The following COL19A1 variants were observed in gnomAD, a reference collection of about 807,000 sequenced individuals.
The protein encoded by COL19A1 is collagen type XIX alpha 1 chain.
In COL19A1, 159 loss-of-function variants were observed where a neutral mutation model predicts 190.2. That is an observed-to-expected ratio of 0.84 (90% CI 0.73 to 0.95). COL19A1 has a LOEUF of 0.95. Among genes scored for constraint, COL19A1 ranks in the 40% least tolerant of loss-of-function variants. COL19A1 has a pLI of 0.00. For missense variants in COL19A1, 1,418 were observed against 1,431.9 expected (o/e 0.99, Z 0.16); for synonymous variants, 509 against 458.9 (o/e 1.11, Z -1.39).
chr6:70,062,533 A>G (rs1582813744), intron 14 of COL19A1, among the ~76,000 whole-genome samples: 2 of 152,320 alleles, frequency 1.3e-5, no homozygotes, highest in South Asian at 4.1e-4. Context: ...AACATGCCAA[A>G]TTGTAAAGAC....
At chr6:70,123,021 C>T (rs1388044723) in intron 17 of COL19A1, among the ~76,000 whole-genome samples, 1 of 152,056 alleles carries the variant, frequency 6.6e-6, no homozygotes, top group Non-Finnish European at 1.5e-5. Flanking sequence ...TTTCATGTTT[C>T]CTTATTAAAC....
chr6:69,970,561 C>T (rs1464271814), intron 11 of COL19A1, among the ~76,000 whole-genome samples: 1 of 152,022 alleles, frequency 6.6e-6, no homozygotes, highest in South Asian at 2.1e-4. Flanking sequence ...ATTAAAGCTT[C>T]TTGGTGATTA....
chr6:70,107,027 C>A (rs1368109111), intron 16 of COL19A1, among the ~76,000 whole-genome samples: 2 of 152,148 alleles, frequency 1.3e-5, no homozygotes, highest in Admixed American at 1.3e-4. Context: ...TTAGGGAATC[C>A]TTACAACTAT....
intron 9 of COL19A1, among the ~76,000 whole-genome samples, chr6:69,952,350 T>C (rs1774173963): frequency 6.6e-6 from 1 of 151,860 alleles, no homozygotes; most frequent in Non-Finnish European, 1.5e-5. Flanking sequence ...GGCAGCTCAA[T>C]CATGGGCACT....
In COL19A1 at chr6:69,971,249, A is replaced by G. The variant is rs3793030; in HGVS notation, c.1026+8379A>G. Among the ~76,000 whole-genome samples the G allele has an allele frequency of 8.5e-5, 13 of 152,348 alleles. No homozygotes were observed. The East Asian group carries it at 2.5e-3, about 29-fold the overall frequency. On this transcript the variant is annotated intron_variant, in intron 11 of 50. Transcript: ENST00000620364. ...ATGATTGCATAATATTTCACTATAT[A>G]AATACGTAATATTTTATGTGAGCAT...
At chr6:70,058,084 C>A (rs1200315089) in intron 14 of COL19A1, among the ~76,000 whole-genome samples, 1 of 151,972 alleles carries the variant, frequency 6.6e-6, no homozygotes, top group Non-Finnish European at 1.5e-5. Flanking sequence ...TTCTATTATT[C>A]AATTAAAAAT....
chr6:69,929,188 A>G (rs2150011688), intron 5 of COL19A1, among the ~76,000 whole-genome samples: 1 of 151,854 alleles, frequency 6.6e-6, no homozygotes, highest in African/African-American at 2.4e-5. Context: ...ACACTCTTAG[A>G]TGTTCTCTTA....
rs1278087402 is a variant in COL19A1 at position 70,034,296 on chromosome 6, A to G, written c.1132A>G (p.Lys378Glu). 1 of 1,612,680 alleles carries G rather than the reference A, an allele frequency of 6.2e-7. No homozygotes were observed. The highest frequency in any genetic ancestry group is 8.5e-7 in the Non-Finnish European group (1 of 1,178,722). ...TGGTCCACCTGGCCCAAAAGGAGAA[A>G]AGGTATTGTGTTTACCCAGCCAAGC... Reference protein sequence around the residue: ...PHGPPGPKGEKGDTGPPGPPA... With the variant: ...PHGPPGPKGEEGDTGPPGPPA... Residue 378 changes from lysine (K) to glutamate (E), a missense_variant and splice_region_variant, in exon 13 of 51, where the codon AAG becomes GAG. By Grantham distance (56) the Lys-to-Glu change is moderately conservative. Coordinates refer to ENST00000620364, the MANE Select transcript of COL19A1 (RefSeq NM_001858.6).
At chr6:69,974,433 C>T (rs1010550389) in intron 11 of COL19A1, among the ~76,000 whole-genome samples, 3 of 152,176 alleles carry the variant, frequency 2.0e-5, no homozygotes, top group African/African-American at 4.8e-5. Flanking sequence ...TTCTGCCTCC[C>T]ACTTAAGGTT....
chr6:69,940,061 T>A (rs1773373904), intron 9 of COL19A1, among the ~76,000 whole-genome samples: 2 of 149,618 alleles, frequency 1.3e-5, no homozygotes, highest in Non-Finnish European at 3.0e-5. Flanking sequence ...TTAGGAAAAA[T>A]ACCCTGCCCA....
chr6:70,186,816 C>T (rs1306200528), intron 46 of COL19A1, among the ~76,000 whole-genome samples: 17 of 152,146 alleles, frequency 1.1e-4, no homozygotes, highest in Admixed American at 1.0e-3. Flanking sequence ...CACATTTAGG[C>T]ACATCTAATA....
intron 9 of COL19A1, among the ~76,000 whole-genome samples, chr6:69,955,809 C>T (rs1774388726): frequency 6.6e-6 from 1 of 152,060 alleles, no homozygotes; most frequent in South Asian, 2.1e-4. Context: ...AGACCTATAA[C>T]TTTTTTTCTG....
chr6:69,950,218 A>G (rs1170805512), intron 9 of COL19A1, among the ~76,000 whole-genome samples: 1 of 151,850 alleles, frequency 6.6e-6, no homozygotes, highest in Non-Finnish European at 1.5e-5. Context: ...TTTTCCTCTG[A>G]CACCAAGGAT....
At chr6:70,028,269 T>C (rs570940806) in intron 12 of COL19A1, among the ~76,000 whole-genome samples, 2 of 152,242 alleles carry the variant, frequency 1.3e-5, no homozygotes, top group East Asian at 1.9e-4. Flanking sequence ...TGGGGAAATG[T>C]AGGCAATTTT....
intron 18 of COL19A1, among the ~76,000 whole-genome samples, chr6:70,134,694 T>C (rs1785733491): frequency 6.6e-6 from 1 of 152,188 alleles, no homozygotes; most frequent in African/African-American, 2.4e-5. Flanking sequence ...GCTGAAAGCC[T>C]AATGGTATAA....
chr6:70,102,293 A>G, intron 16 of COL19A1, 71 bp downstream of exon 16: 1 of 1,114,266 alleles, frequency 9.0e-7, no homozygotes. Flanking sequence ...CCTAAGGATT[A>G]TTTTACTCCC....
intron 16 of COL19A1, among the ~76,000 whole-genome samples, chr6:70,112,412 T>A (rs1224987458): frequency 2.0e-5 from 3 of 152,196 alleles, no homozygotes; most frequent in African/African-American, 7.2e-5. Context: ...AATAATATTT[T>A]TCCTTTTTCA....
chr6:70,155,605 C>G (rs376811430), intron 31 of COL19A1, among the ~76,000 whole-genome samples: 1 of 152,138 alleles, frequency 6.6e-6, no homozygotes, highest in Admixed American at 6.5e-5. Context: ...TTATTTCTCT[C>G]GAGTGCCTCC....
chr6:70,180,095 A>T lies in COL19A1; in HGVS notation c.2668-217A>T, dbSNP rs890064736. Reference sequence around the variant, plus strand: ...GAGACAGGGTTTCGCCACGTTGGCCAGGCTAGTCTTGAACTCCTGACCTCA... The same window carrying T: ...GAGACAGGGTTTCGCCACGTTGGCCTGGCTAGTCTTGAACTCCTGACCTCA... On this transcript the variant is annotated intron_variant, in intron 42 of 50. Transcript: ENST00000620364. Among the ~76,000 whole-genome samples, 7 of 152,244 alleles carry T rather than the reference A, an allele frequency of 4.6e-5. No homozygotes were observed. In the East Asian group the frequency reaches 1.4e-3, roughly 29 times the overall value.
Sources: allele counts gnomAD v4.1 joint callset (sites outside exome capture counted in the v4.1 genomes callset), GRCh38; gene constraint gnomAD v4.1.1; transcripts MANE v1.5; gene names NCBI Gene and HGNC (gene_info 2026-07-23, HGNC 2026-07-21).